PCDH7: variants seen among roughly 807,000 people sequenced by gnomAD.
PCDH7 encodes protocadherin-7.
In PCDH7, 17 loss-of-function variants were observed where a neutral mutation model predicts 58.9. The observed-to-expected ratio is 0.29, with a 90% confidence interval of 0.20 to 0.43. The LOEUF is 0.43. PCDH7 is among the 20% of genes least tolerant of loss of function. PCDH7 has a pLI of 1.00. For missense variants in PCDH7, 1,274 were observed against 1,441.0 expected (o/e 0.88, Z 1.88); for synonymous variants, 664 against 616.4 (o/e 1.08, Z -1.14).
chr4:30,917,708 A>C (rs1257847527), intron 1 of PCDH7, among the ~76,000 whole-genome samples: 1 of 152,094 alleles, frequency 6.6e-6, no homozygotes, highest in Non-Finnish European at 1.5e-5. Context: ...GAAATCAAGA[A>C]AACAAAATGC....
chr4:31,004,709 A>G (rs1055864679), intron 3 of PCDH7, among the ~76,000 whole-genome samples: 8 of 152,172 alleles, frequency 5.3e-5, no homozygotes, highest in African/African-American at 1.9e-4. Context: ...GACAGTAATA[A>G]CATCCAATAT....
At chr4:31,069,492 G>T (rs1410344883) in intron 3 of PCDH7, among the ~76,000 whole-genome samples, 1 of 151,726 alleles carries the variant, frequency 6.6e-6, no homozygotes, top group Non-Finnish European at 1.5e-5. Flanking sequence ...AGAAGTAATG[G>T]GCATCACTTT....
intron 1 of PCDH7, among the ~76,000 whole-genome samples, chr4:30,762,577 CT>C (rs1382331053): frequency 1.1e-4 from 17 of 152,020 alleles, no homozygotes; most frequent in African/African-American, 4.1e-4. Context: ...TTTAATATTG[CT>C]GAATATTTGA....
chr4:30,966,583 T>C (rs1011635719), intron 3 of PCDH7, among the ~76,000 whole-genome samples: 1 of 152,080 alleles, frequency 6.6e-6, no homozygotes, highest in African/African-American at 2.4e-5. Context: ...TGTCATTTTT[T>C]TGTTTGAGGG....
intron 2 of PCDH7, among the ~76,000 whole-genome samples, chr4:30,938,502 A>G (rs1578355167): frequency 6.6e-6 from 1 of 151,714 alleles, no homozygotes; most frequent in Non-Finnish European, 1.5e-5. Context: ...ACACACACAC[A>G]CACGCACACA....
intron 2 of PCDH7, among the ~76,000 whole-genome samples, chr4:30,931,761 T>C (rs2109426748): frequency 6.6e-6 from 1 of 151,606 alleles, no homozygotes; most frequent in Non-Finnish European, 1.5e-5. Flanking sequence ...CGGGGCATAG[T>C]GGCATCCCTT....
chr4:30,753,582 A>C (rs939390262), intron 1 of PCDH7, among the ~76,000 whole-genome samples: 1 of 152,182 alleles, frequency 6.6e-6, no homozygotes, highest in African/African-American at 2.4e-5. Flanking sequence ...TGGATTTTTG[A>C]CACAGGGCTC....
intron 1 of PCDH7, among the ~76,000 whole-genome samples, chr4:30,867,618 C>T (rs529495400): frequency 6.6e-6 from 1 of 152,132 alleles, no homozygotes; most frequent in East Asian, 1.9e-4. Flanking sequence ...AACTGAGAGC[C>T]TGGCACACAG....
chr4:30,844,121 TTGCTACC>T (rs1326889928), intron 1 of PCDH7, among the ~76,000 whole-genome samples: 4 of 152,124 alleles, frequency 2.6e-5, no homozygotes, highest in Non-Finnish European at 5.9e-5. Context: ...TCTGAGGTTA[TTGCTACC>T]TGCTACCTGT....
intron 1 of PCDH7, among the ~76,000 whole-genome samples, chr4:30,839,506 C>T (rs1730943122): frequency 6.6e-6 from 1 of 152,068 alleles, no homozygotes; most frequent in Admixed American, 6.6e-5. Flanking sequence ...GCATCCTAGG[C>T]CCATCCTTAT....
At chr4:31,140,792 T>A (rs1464526500) in intron 3 of PCDH7, among the ~76,000 whole-genome samples, 1 of 151,446 alleles carries the variant, frequency 6.6e-6, no homozygotes, top group Non-Finnish European at 1.5e-5. Context: ...GGTAAAAAAA[T>A]GAGTGGGAAA....
chr4:31,043,950 A>G (rs867382496), intron 3 of PCDH7, among the ~76,000 whole-genome samples: 1 of 152,086 alleles, frequency 6.6e-6, no homozygotes, highest in Non-Finnish European at 1.5e-5. Flanking sequence ...ATTAAATGGG[A>G]GCTGAGAAAA....
intron 3 of PCDH7, among the ~76,000 whole-genome samples, chr4:31,013,678 C>G (rs1244968082): frequency 2.0e-5 from 3 of 151,354 alleles, no homozygotes; most frequent in Non-Finnish European, 2.9e-5. Context: ...GCATAAAGAG[C>G]TATTTTGACT....
intron 3 of PCDH7, among the ~76,000 whole-genome samples, chr4:31,054,963 C>T (rs772321346): frequency 2.4e-4 from 36 of 152,244 alleles, no homozygotes; most frequent in South Asian, 1.0e-3. Flanking sequence ...TTACTAACTG[C>T]TGTAATGATC....
chr4:30,935,345 G>A, intron 2 of PCDH7: 3 of 983,082 alleles, frequency 3.1e-6, no homozygotes, highest in Non-Finnish European at 3.6e-6. Context: ...AGCTGTAAAG[G>A]TAAGTAGTTT....
chr4:31,077,217 C>T (rs1159034223), intron 3 of PCDH7, among the ~76,000 whole-genome samples: 1 of 151,930 alleles, frequency 6.6e-6, no homozygotes, highest in East Asian at 1.9e-4. Flanking sequence ...TTGAGACCAG[C>T]CTGACCAACA....
At position 30,722,018 on chromosome 4, in the gene PCDH7, G is replaced by A. The variant is rs1713666496; in HGVS notation, c.596G>A (p.Gly199Glu). ...AGCGGCGGCGAGAGCCGGCGCGCCGGGGCGGCCGACAGCGCCCCCTACCCC... is the reference window on the plus strand; with the variant it reads ...AGCGGCGGCGAGAGCCGGCGCGCCGAGGCGGCCGACAGCGCCCCCTACCCC... The change falls in exon 1 of 2, where the codon GGG becomes GAG. Residue 199 changes from glycine to glutamate, a missense_variant. By Grantham distance (98) the Gly-to-Glu change is moderately conservative. Coordinates refer to ENST00000361762, the Ensembl canonical transcript of PCDH7. The surrounding 1 kb of genome is among the most constrained non-coding windows in gnomAD (Gnocchi z 7.6). The A allele has an allele frequency of 1.6e-6, 2 of 1,260,322 alleles. No individual in the cohort carries two copies. Among genetic ancestry groups the A allele is most frequent in the Non-Finnish European group, 2.0e-6 (2 of 1,006,204 alleles). 78.1% of individuals were successfully genotyped at this position (1,260,322 alleles called of 1,614,324 possible). A position where few individuals can be genotyped will look rare whatever the true frequency, so the allele number is the denominator to read the frequency against.
intron 3 of PCDH7, among the ~76,000 whole-genome samples, chr4:31,120,427 C>T (rs909010931): frequency 2.1e-4 from 21 of 97,798 alleles, no homozygotes; most frequent in East Asian, 4.4e-4. Context: ...CGTTGTTTTT[C>T]TTTCTATTTT....
intron 2 of PCDH7, among the ~76,000 whole-genome samples, chr4:30,921,521 G>T (rs1743188964): frequency 6.6e-6 from 1 of 151,960 alleles, no homozygotes; most frequent in African/African-American, 2.4e-5. Flanking sequence ...TGAAAGTATT[G>T]CTAAATTATA....
Sources: allele counts gnomAD v4.1 joint callset (sites outside exome capture counted in the v4.1 genomes callset), GRCh38; gene constraint gnomAD v4.1.1; non-coding constraint Gnocchi (gnomAD v3.1); transcripts MANE v1.5; gene names NCBI Gene and HGNC (gene_info 2026-07-23, HGNC 2026-07-21).